The following ZNF503 variants were observed in gnomAD, a reference collection of about 807,000 sequenced individuals.
ZNF503 encodes the protein NocA-like zinc finger 2.
Under a neutral mutation model 34.4 loss-of-function variants are expected in ZNF503, and 15 were observed. The ratio of observed to expected loss-of-function variants is 0.44; its 90% CI spans 0.29 to 0.67. The LOEUF (loss-of-function observed/expected upper bound fraction) is 0.67, where lower values mean the gene tolerates loss of function less well. ZNF503 is among the 30% of genes least tolerant of loss of function. The pLI is 0.13. For synonymous variants in ZNF503, 580 were observed against 456.8 expected (o/e 1.27, Z -3.44); for missense variants, 1,007 against 926.8 (o/e 1.09, Z -1.12).
At chr10:75,295,298 C>A in the ZNF503 span, among the ~76,000 whole-genome samples, 1 of 151,808 alleles carries the variant, frequency 6.6e-6, no homozygotes. This position sits in a 1 kb window ranked among gnomAD's most constrained non-coding sequence, Gnocchi z 4.0. Flanking sequence ...TCCCTGCAGT[C>A]CCGCCCTCCT....
At chr10:75,288,476 A>T in the ZNF503 span, 1 of 152,550 alleles carries the variant, frequency 6.6e-6, no homozygotes, top group Non-Finnish European at 1.5e-5. Context: ...GCAACAAGTC[A>T]TCTAGTAACA....
chr10:75,338,506 G>T, the ZNF503 span: 1 of 152,188 alleles, frequency 6.6e-6, no homozygotes, highest in Non-Finnish European at 1.5e-5. Context: ...GGATCTAATT[G>T]ATGTTAGCAA....
the ZNF503 span, among the ~76,000 whole-genome samples, chr10:75,354,944 C>G: frequency 3.9e-5 from 6 of 152,288 alleles, no homozygotes; most frequent in East Asian, 1.2e-3. Flanking sequence ...CTCCCAGGTT[C>G]AAGCCTGCCT....
At position 75,401,548 on chromosome 10, in the gene ZNF503, C is replaced by A; in HGVS notation, c.-129G>T. The A allele has an allele frequency of 8.8e-7, 1 of 1,134,714 alleles. No individual in the cohort carries two copies. The highest frequency in any genetic ancestry group is 1.2e-6 in the Non-Finnish European group (1 of 812,946). 70.3% of individuals were successfully genotyped at this position (1,134,714 alleles called of 1,614,324 possible). On this transcript the variant is annotated 5_prime_UTR_variant, in exon 1 of 2. Transcript: ENST00000372524. ...GAGGAGCTGGCGCGGCGGCCACGGGCGCCCAGCGCGCCTTCTCGGCGCCTG... is the reference window on the plus strand; with the variant it reads ...GAGGAGCTGGCGCGGCGGCCACGGGAGCCCAGCGCGCCTTCTCGGCGCCTG...
chr10:75,293,915 C>T, the ZNF503 span, among the ~76,000 whole-genome samples: 1 of 152,160 alleles, frequency 6.6e-6, no homozygotes, highest in South Asian at 2.1e-4. Context: ...CGACTAGAAC[C>T]CTGGCTTTTA....
chr10:75,349,941 C>T, the ZNF503 span, among the ~76,000 whole-genome samples: 1 of 152,228 alleles, frequency 6.6e-6, no homozygotes, highest in African/African-American at 2.4e-5. Flanking sequence ...TGCCAACCCA[C>T]TGAATCTGCA....
chr10:75,373,614 G>C, the ZNF503 span: 2 of 152,256 alleles, frequency 1.3e-5, no homozygotes, highest in Admixed American at 6.5e-5. Flanking sequence ...GGCTGAGGGA[G>C]AGGCACTGGA....
Position 75,399,774 on chromosome 10 carries a change from C to G in ZNF503, c.916G>C (p.Ala306Pro). 6.3e-7 allele frequency: 1 copy of G among 1,593,292 alleles called. No individual in the cohort carries two copies. Residue 306 changes from alanine to proline, a missense_variant, in exon 2 of 2, where the codon GCT (alanine) becomes CCT (proline). By Grantham distance (27) the Ala-to-Pro change is conservative. Coordinates refer to ENST00000372524, the MANE Select transcript of ZNF503 (RefSeq NM_032772.6). ...QHPDGGPGGK[A>P]LGSDCGGSSG... is the part of the protein sequence containing the mutation. ...GAACCGCCGCAGTCCGAGCCCAGAG[C>G]CTTGCCTCCCGGGCCCCCATCCGGA...
chr10:75,329,203 C>A, the ZNF503 span, among the ~76,000 whole-genome samples: 1 of 151,790 alleles, frequency 6.6e-6, no homozygotes. Flanking sequence ...TAATTTCTTT[C>A]TTGGCTAGTT....
downstream of ZNF503, among the ~76,000 whole-genome samples, chr10:75,396,979 C>G (rs1156462088): frequency 6.6e-6 from 1 of 152,226 alleles, no homozygotes; most frequent in Non-Finnish European, 1.5e-5. This position sits in a 1 kb window ranked among gnomAD's most constrained non-coding sequence, Gnocchi z 4.4. Context: ...TCCCGCCGCG[C>G]TTCTGCAGAG....
chr10:75,367,707 A>G, the ZNF503 span, among the ~76,000 whole-genome samples: 1 of 152,226 alleles, frequency 6.6e-6, no homozygotes, highest in Non-Finnish European at 1.5e-5. Context: ...AGGACACACA[A>G]AGCAGAAGGT....
At chr10:75,296,108 A>G in the ZNF503 span, among the ~76,000 whole-genome samples, 1 of 152,220 alleles carries the variant, frequency 6.6e-6, no homozygotes, top group African/African-American at 2.4e-5. Context: ...AAATTGGGCC[A>G]GGGCCCTGGC....
At chr10:75,348,324 A>G in the ZNF503 span, among the ~76,000 whole-genome samples, 1 of 151,864 alleles carries the variant, frequency 6.6e-6, no homozygotes, top group Admixed American at 6.6e-5. Flanking sequence ...AGCCTCCCAA[A>G]GTGCTGGGAT....
chr10:75,281,056 C>A, the ZNF503 span, among the ~76,000 whole-genome samples: 2 of 152,044 alleles, frequency 1.3e-5, no homozygotes, highest in African/African-American at 4.8e-5. Context: ...ATAAGGTGAC[C>A]ATGTAATTTA....
the ZNF503 span, among the ~76,000 whole-genome samples, chr10:75,332,930 C>T: frequency 4.2e-5 from 6 of 143,212 alleles, no homozygotes; most frequent in East Asian, 2.1e-4. Flanking sequence ...CCACCTTTCC[C>T]GCCTTTCTAT....
At chr10:75,319,018 G>A in the ZNF503 span, among the ~76,000 whole-genome samples, 6 of 151,608 alleles carry the variant, frequency 4.0e-5, no homozygotes, top group African/African-American at 9.7e-5. Flanking sequence ...GGAGTGCAGC[G>A]ATGCAATCAC....
chr10:75,295,320 G>A, the ZNF503 span, among the ~76,000 whole-genome samples: 1 of 152,058 alleles, frequency 6.6e-6, no homozygotes, highest in African/African-American at 2.4e-5. The surrounding 1 kb of genome is among the most constrained non-coding windows in gnomAD (Gnocchi z 4.0). Context: ...CTCCTGGCGG[G>A]CGGCGGCCTC....
the ZNF503 span, among the ~76,000 whole-genome samples, chr10:75,320,290 T>A: frequency 6.6e-6 from 1 of 151,942 alleles, no homozygotes; most frequent in Non-Finnish European, 1.5e-5. Context: ...GAGACCAGCC[T>A]GGCCAATATG....
chr10:75,323,718 C>T, the ZNF503 span, among the ~76,000 whole-genome samples: 7 of 151,908 alleles, frequency 4.6e-5, no homozygotes, highest in Non-Finnish European at 8.8e-5. Flanking sequence ...AATTGGGTTG[C>T]GGCCAGGCAC....
Sources: allele counts gnomAD v4.1 joint callset (sites outside exome capture counted in the v4.1 genomes callset), GRCh38; gene constraint gnomAD v4.1.1; non-coding constraint Gnocchi (gnomAD v3.1); transcripts MANE v1.5; gene names NCBI Gene and HGNC (gene_info 2026-07-23, HGNC 2026-07-21).